Variants in ATP8B1 observed in about 807,000 individuals in gnomAD.
ATP8B1 encodes the protein phospholipid-transporting ATPase IC.
Under a neutral mutation model 149.9 loss-of-function variants are expected in ATP8B1, and 80 were observed. The observed-to-expected ratio is 0.53, with a 90% CI of 0.45 to 0.64. ATP8B1 has a LOEUF of 0.64. ATP8B1 is among the 30% of genes least tolerant of loss of function. The pLI, the probability that ATP8B1 is intolerant of heterozygous loss-of-function variation, is 0.00. For synonymous variants in ATP8B1, 536 were observed against 562.8 expected, an observed-to-expected ratio of 0.95 and a Z score of 0.67; for missense variants, 1,247 against 1,552.6, an observed-to-expected ratio of 0.80 and a Z score of 3.31.
At chr18:57,710,116 G>A (rs1027607780) in intron 2 of ATP8B1, among the ~76,000 whole-genome samples, 3 of 151,954 alleles carry the variant, frequency 2.0e-5, no homozygotes, top group African/African-American at 7.3e-5. Flanking sequence ...GGGATTACAG[G>A]CATGCACCAC....
chr18:57,674,993 C>T lies in ATP8B1; in HGVS notation c.1660G>A (p.Asp554Asn), dbSNP rs121909101. ...GCAGCGTTTACCAGGGCACCTTCAT[C>T]GGGAGAGGCTGCCTGGTAGTTGAGC... Reference protein sequence around the residue: ...GQLNYQAASPDEGALVNAARN... With the variant: ...GQLNYQAASPNEGALVNAARN... The change falls in exon 16 of 28, where the codon GAT (aspartate) becomes AAT (asparagine). Residue 554 changes from aspartate (D) to asparagine (N), a missense_variant. By Grantham distance (23) the Asp-to-Asn change is conservative. Transcript: ENST00000648908. The T allele has an allele frequency of 6.2e-6, 10 of 1,614,122 alleles. No individual in the cohort carries two copies. The highest frequency in any genetic ancestry group is 1.3e-5 in the African/African-American group (1 of 75,044).
intron 8 of ATP8B1, among the ~76,000 whole-genome samples, 184 bp downstream of exon 8, chr18:57,697,434 G>T (rs1041420232): frequency 1.9e-4 from 29 of 152,170 alleles, no homozygotes; most frequent in African/African-American, 6.7e-4. Flanking sequence ...CCTGAGAGGT[G>T]GAGAAACGCA....
At chr18:57,742,717 G>A (rs1207286626) in intron 1 of ATP8B1, among the ~76,000 whole-genome samples, 1 of 151,950 alleles carries the variant, frequency 6.6e-6, no homozygotes, top group African/African-American at 2.4e-5. Context: ...CCAGCTACTT[G>A]GGAGGCTGAG....
chr18:57,773,593 A>G (rs2123383967), intron 1 of ATP8B1, among the ~76,000 whole-genome samples: 1 of 152,294 alleles, frequency 6.6e-6, no homozygotes, highest in East Asian at 1.9e-4. Context: ...ATGTTTCCAT[A>G]TTTAGCCAAA....
At chr18:57,699,592 C>T (rs1220367345) in intron 6 of ATP8B1, among the ~76,000 whole-genome samples, 2 of 152,066 alleles carry the variant, frequency 1.3e-5, no homozygotes, top group Admixed American at 6.6e-5. Context: ...GGTGCAGTGG[C>T]GGGCGCCTGT....
chr18:57,768,062 A>T (rs1381659315), intron 1 of ATP8B1, among the ~76,000 whole-genome samples: 1 of 152,170 alleles, frequency 6.6e-6, no homozygotes. Context: ...CAGTCTACAA[A>T]TATCCTAGAT....
At chr18:57,748,313 T>C (rs969993560) in intron 1 of ATP8B1, among the ~76,000 whole-genome samples, 8 of 152,176 alleles carry the variant, frequency 5.3e-5, no homozygotes, top group East Asian at 1.9e-4. Flanking sequence ...CAAGGACATA[T>C]AAGGGGTAAC....
intron 20 of ATP8B1, 71 bp downstream of exon 20, chr18:57,667,021 T>C (rs1910902153): frequency 2.9e-6 from 4 of 1,370,258 alleles, no homozygotes; most frequent in Non-Finnish European, 4.2e-6. Flanking sequence ...ATATCTGCTA[T>C]CTTCTACAGA....
intron 1 of ATP8B1, among the ~76,000 whole-genome samples, chr18:57,793,669 C>T (rs1198245667): frequency 6.6e-6 from 1 of 151,936 alleles, no homozygotes; most frequent in African/African-American, 2.4e-5. Context: ...TACCCTAGGG[C>T]TTCTGCAGCA....
intron 1 of ATP8B1, among the ~76,000 whole-genome samples, chr18:57,774,030 G>A (rs1046741661): frequency 3.3e-5 from 5 of 152,134 alleles, no homozygotes; most frequent in African/African-American, 1.2e-4. Flanking sequence ...TTCTCTCAGA[G>A]TAAAACCCAA....
At chr18:57,756,210 TACACACACACACACAC>T (rs573321061) in intron 1 of ATP8B1, among the ~76,000 whole-genome samples, 1 of 109,050 alleles carries the variant, frequency 9.2e-6, no homozygotes, top group Non-Finnish European at 1.8e-5. Flanking sequence ...TATATATATA[TACACACACACACACAC>T]ACACACACAC....
chr18:57,762,672 G>A (rs4245286), intron 1 of ATP8B1, among the ~76,000 whole-genome samples: 146,046 of 152,332 alleles, frequency 0.96, 70,050 homozygotes, highest in East Asian at 1. Context: ...ATGACAAATC[G>A]AAGATATTTA....
At position 57,731,634 on chromosome 18, in the gene ATP8B1, G is replaced by A. The variant is rs748836735; in HGVS notation, c.174C>T (p.Phe58=). 1 of 1,613,972 alleles carries A rather than the reference G, an allele frequency of 6.2e-7. No individual in the cohort carries two copies. Among genetic ancestry groups the A allele is most frequent in the Non-Finnish European group, 8.5e-7 (1 of 1,179,984 alleles). ...NREAEENREP[F]RKECTWQVKA... is the part of the protein sequence containing the mutation. The stretch of plus-strand genomic sequence containing the variant: ...GGGACTTCATGTGGTTACCTTTTCT[G>A]AATGGCTCCCGGTTCTCCTCTGCTT... Residue 58 remains phenylalanine (F), a synonymous_variant, in exon 2 of 28, where the codon TTC becomes TTT. Coordinates refer to ENST00000648908, the MANE Select transcript of ATP8B1 (RefSeq NM_001374385.1).
chr18:57,685,203 G>T, intron 13 of ATP8B1, 88 bp from the exon 14 acceptor site: 2 of 1,448,826 alleles, frequency 1.4e-6, no homozygotes, highest in Middle Eastern at 1.7e-4. Flanking sequence ...TAGTGATGGT[G>T]GTAAGACCAT....
chr18:57,694,595 T>C lies in ATP8B1; in HGVS notation c.1016A>G (p.Tyr339Cys), dbSNP rs772340678. Reference protein sequence around the residue: ...KRTKIDYLMNYMVYTIFVVLI... With the variant: ...KRTKIDYLMNCMVYTIFVVLI... ...AAAAATAAATACCGTGTAAACCATG[T>C]AGTTCATCAAGTAATCAATTTTAGT... Residue 339 changes from tyrosine to cysteine, a missense_variant, in exon 11 of 28, where the codon TAC becomes TGC. By Grantham distance (194) the Tyr-to-Cys change is radical. Coordinates refer to ENST00000648908, the MANE Select transcript of ATP8B1 (RefSeq NM_001374385.1). 2 of 1,569,490 alleles carry C rather than the reference T, an allele frequency of 1.3e-6. No individual in the cohort carries two copies. Among genetic ancestry groups the C allele is most frequent in the Middle Eastern group, 1.7e-4 (1 of 5,972 alleles).
At chr18:57,679,307 T>C (rs796954169) in intron 15 of ATP8B1, among the ~76,000 whole-genome samples, 32 of 152,148 alleles carry the variant, frequency 2.1e-4, no homozygotes, top group African/African-American at 7.2e-4. Flanking sequence ...ATGGGATCAA[T>C]TGTACCCCAA....
intron 1 of ATP8B1, among the ~76,000 whole-genome samples, chr18:57,750,489 G>A (rs1369129602): frequency 2.6e-5 from 4 of 152,186 alleles, no homozygotes; most frequent in Non-Finnish European, 5.9e-5. Context: ...AAATATTTCG[G>A]AGTTGTGACA....
chr18:57,794,757 C>T (rs1156903086), intron 1 of ATP8B1, among the ~76,000 whole-genome samples: 2 of 150,612 alleles, frequency 1.3e-5, no homozygotes, highest in South Asian at 2.1e-4. Flanking sequence ...CACCATTGCA[C>T]TCCAGCCTGG....
chr18:57,653,033 ACC>A (rs1909731350), intron 24 of ATP8B1, among the ~76,000 whole-genome samples: 1 of 152,194 alleles, frequency 6.6e-6, no homozygotes, highest in Admixed American at 6.5e-5. Flanking sequence ...TACTGTTTTT[ACC>A]TCCTGAGTGA....
Sources: allele counts gnomAD v4.1 joint callset (sites outside exome capture counted in the v4.1 genomes callset), GRCh38; gene constraint gnomAD v4.1.1; transcripts MANE v1.5; gene names NCBI Gene and HGNC (gene_info 2026-07-23, HGNC 2026-07-21).